EBF3: variants seen among roughly 807,000 people sequenced by gnomAD.
EBF3 encodes the protein EBF transcription factor 3, also known as transcription factor COE3.
EBF3 carries 18 observed loss-of-function variants against 77.1 expected under a neutral mutation model. That is an observed-to-expected ratio of 0.23 (90% CI 0.16 to 0.35). The LOEUF (loss-of-function observed/expected upper bound fraction) is 0.35. Among genes scored for constraint, EBF3 ranks in the 10% least tolerant of loss-of-function variants. The pLI, the probability that EBF3 is intolerant of heterozygous loss-of-function variation, is 1.00. For missense variants in EBF3, 558 were observed against 860.0 expected (o/e 0.65, Z 4.39); for synonymous variants, 350 against 343.5 (o/e 1.02, Z -0.21).
intron 11 of EBF3, among the ~76,000 whole-genome samples, chr10:129,847,856 A>C (rs1342053590): frequency 6.6e-6 from 1 of 152,244 alleles, no homozygotes; most frequent in African/African-American, 2.4e-5. Context: ...ATTTAAATGG[A>C]AAGTCCCTCT....
chr10:129,961,148 G>A (rs1859485393), intron 4 of EBF3, among the ~76,000 whole-genome samples: 1 of 152,214 alleles, frequency 6.6e-6, no homozygotes, highest in African/African-American at 2.4e-5. Context: ...GCTGCAGGAA[G>A]CCCCAACGAG....
intron 6 of EBF3, among the ~76,000 whole-genome samples, chr10:129,892,692 T>C (rs2134203184): frequency 6.6e-6 from 1 of 152,372 alleles, no homozygotes; most frequent in East Asian, 1.9e-4. Context: ...CATCACTTAA[T>C]GACTTTTCCC....
intron 10 of EBF3, among the ~76,000 whole-genome samples, chr10:129,857,585 C>T (rs2134020710): frequency 6.6e-6 from 1 of 152,320 alleles, no homozygotes; most frequent in East Asian, 1.9e-4. Context: ...TCCATTTTGA[C>T]TATTTTATTA....
chr10:129,879,834 G>A lies in EBF3; in HGVS notation c.555-1985C>T, dbSNP rs1031932351. Among the ~76,000 whole-genome samples the A allele has an allele frequency of 4.6e-5, 7 of 152,142 alleles. No homozygotes were observed. The highest frequency in any genetic ancestry group is 8.8e-5 in the Non-Finnish European group (6 of 68,040). On this transcript the variant is annotated intron_variant, in intron 6 of 16. Transcript: ENST00000440978. The surrounding 1 kb of genome is among the most constrained non-coding windows in gnomAD (Gnocchi z 4.7). ...AGAAAGGGCCTAACAAGGTGAGGGC[G>A]CCACCAAGTTATCGTCCTGTCAGGC...
intron 6 of EBF3, among the ~76,000 whole-genome samples, chr10:129,898,886 G>A (rs1335609030): frequency 6.6e-6 from 1 of 152,216 alleles, no homozygotes; most frequent in Non-Finnish European, 1.5e-5. Flanking sequence ...GCCCGCGGCC[G>A]GCGTCCCCTC....
In EBF3 at chr10:129,840,312, C is replaced by T. The variant is rs779933101; in HGVS notation, c.1692G>A (p.Ala564=). 3.2e-5 allele frequency: 51 copies of T among 1,590,642 alleles called. No homozygotes were observed. The highest frequency in any genetic ancestry group is 1.7e-4 in the Middle Eastern group (1 of 6,044). ...ISAVKQKSAF[A]PVVRPQASPP... ...GAGAGGCTTGGGGCCGGACCACGGG[C>T]GCGAAGGCGCTCTTCTGTTTCACTG... The change falls in exon 15 of 17, where the codon GCG becomes GCA. Residue 564 remains alanine, a synonymous_variant. Transcript: ENST00000440978.
At position 129,863,937 on chromosome 10, in the gene EBF3, C is replaced by T. The variant is rs1160190137; in HGVS notation, c.1039+3204G>A. 6.6e-6 allele frequency among the ~76,000 whole-genome samples: 1 copy of T among 152,098 alleles called. No individual in the cohort carries two copies. Among genetic ancestry groups the T allele is most frequent in the Non-Finnish European group, 1.5e-5 (1 of 68,010 alleles). On this transcript the variant is annotated intron_variant, in intron 10 of 16. Transcript: ENST00000440978. The surrounding 1 kb of genome is among the most constrained non-coding windows in gnomAD (Gnocchi z 4.0). ...AAGGCTGGGCTGTGGCAAGCATCACCAAACACCCACTCATGGGAGCATGTC... is the reference window on the plus strand; with the variant it reads ...AAGGCTGGGCTGTGGCAAGCATCACTAAACACCCACTCATGGGAGCATGTC...
At chr10:129,924,430 CAAAAAAAA>C (rs956215243) in intron 6 of EBF3, among the ~76,000 whole-genome samples, 2 of 108,454 alleles carry the variant, frequency 1.8e-5, no homozygotes, top group East Asian at 2.8e-4. Context: ...ACAACAACAA[CAAAAAAAA>C]AAAAAAACAA....
At chr10:129,877,940 G>C in intron 6 of EBF3, 91 bp from the exon 7 acceptor site, 1 of 990,982 alleles carries the variant, frequency 1.0e-6, no homozygotes, top group East Asian at 2.7e-5. Flanking sequence ...GGGAGGAGTG[G>C]AGACTCAACC....
chr10:129,926,517 A>C (rs542778397), intron 6 of EBF3, among the ~76,000 whole-genome samples: 5 of 152,270 alleles, frequency 3.3e-5, no homozygotes, highest in African/African-American at 1.2e-4. Context: ...AGCCCAAAGC[A>C]GTGAAACCTC....
At chr10:129,859,308 G>A (rs532914004) in intron 10 of EBF3, among the ~76,000 whole-genome samples, 17 of 152,156 alleles carry the variant, frequency 1.1e-4, no homozygotes, top group East Asian at 3.9e-4. Flanking sequence ...TGCAGCCTCC[G>A]CCTCCCGGGT....
At chr10:129,839,879 C>T (rs1178265166) in intron 15 of EBF3, among the ~76,000 whole-genome samples, 5 of 152,230 alleles carry the variant, frequency 3.3e-5, no homozygotes, top group Admixed American at 6.5e-5. Context: ...TGCCAGGCCC[C>T]GGGCAAAGGC....
In EBF3 at chr10:129,848,811, C is replaced by A. The variant is rs530358934; in HGVS notation, c.1040-331G>T. Among the ~76,000 whole-genome samples the A allele has an allele frequency of 3.3e-5, 5 of 152,318 alleles. No individual in the cohort carries two copies. In the East Asian group the frequency reaches 9.7e-4, roughly 29 times the overall value. The stretch of plus-strand genomic sequence containing the variant: ...ATCACGATGTGATGTCTGCATCACA[C>A]GGTGCCTTCCACACTGGCCAGGGAT... On this transcript the variant is annotated intron_variant, in intron 10 of 16. Coordinates refer to ENST00000440978, the MANE Select transcript of EBF3 (RefSeq NM_001375380.1). This position sits in a 1 kb window ranked among gnomAD's most constrained non-coding sequence, Gnocchi z 4.4.
chr10:129,942,002 A>AC (rs1857782207), intron 6 of EBF3, among the ~76,000 whole-genome samples: 1 of 151,800 alleles, frequency 6.6e-6, no homozygotes, highest in South Asian at 2.1e-4. Context: ...GAGCCCCCCC[A>AC]CCCCATTTAA....
chr10:129,891,749 C>T (rs1345373548), intron 6 of EBF3, among the ~76,000 whole-genome samples: 1 of 152,234 alleles, frequency 6.6e-6, no homozygotes, highest in Non-Finnish European at 1.5e-5. Context: ...CACAACAGAG[C>T]TCAGAGGCCC....
chr10:129,956,458 C>G (rs185431878), intron 6 of EBF3, among the ~76,000 whole-genome samples: 4 of 152,160 alleles, frequency 2.6e-5, no homozygotes, highest in South Asian at 2.1e-4. Context: ...CTCTCCTGCA[C>G]GGCACCGAAA....
At chr10:129,921,798 G>A (rs1856333337) in intron 6 of EBF3, among the ~76,000 whole-genome samples, 2 of 152,168 alleles carry the variant, frequency 1.3e-5, no homozygotes, top group African/African-American at 4.8e-5. Flanking sequence ...GGGGATATGG[G>A]CATCAGCACC....
In EBF3 at chr10:129,963,538, A is replaced by C; in HGVS notation, c.135-15T>G. 1 of 1,504,890 alleles carries C rather than the reference A, an allele frequency of 6.6e-7. No individual in the cohort carries two copies. Among genetic ancestry groups the C allele is most frequent in the Non-Finnish European group, 8.9e-7 (1 of 1,122,202 alleles). 93.2% of individuals were successfully genotyped at this position (1,504,890 alleles called of 1,614,324 possible). ...GCCCCACGCCGCTGCGGGAGGAAAG[A>C]GACAGCGGCCCGGTGAGGAGCGCGG... On this transcript the variant is annotated splice_polypyrimidine_tract_variant and intron_variant, in intron 1 of 16. Coordinates refer to ENST00000440978, the MANE Select transcript of EBF3 (RefSeq NM_001375380.1). The surrounding 1 kb of genome is among the most constrained non-coding windows in gnomAD (Gnocchi z 7.1).
chr10:129,838,013 C>T (rs777875105), intron 16 of EBF3, 53 bp from the exon 17 acceptor site: 90 of 1,611,612 alleles, frequency 5.6e-5, no homozygotes, highest in Middle Eastern at 1.6e-4. Context: ...CGCGCCCTCC[C>T]GCCAACGCTG....
Sources: gnomAD v4.1 joint callset for allele counts (sites outside exome capture counted in the v4.1 genomes callset) on GRCh38, gnomAD v4.1.1 for gene constraint, Gnocchi (gnomAD v3.1) non-coding constraint, MANE v1.5 for transcripts, NCBI Gene and HGNC (gene_info 2026-07-23, HGNC 2026-07-21) for gene names.